MED13L: variants seen among roughly 807,000 people sequenced by gnomAD.
The protein encoded by MED13L is mediator of RNA polymerase II transcription subunit 13-like.
A neutral mutation model predicts 220.9 loss-of-function variants in MED13L; 7 were observed. The ratio of observed to expected loss-of-function variants is 0.03; its 90% CI spans 0.02 to 0.06. The LOEUF (loss-of-function observed/expected upper bound fraction) is 0.06. MED13L is among the 10% of genes least tolerant of loss of function. The pLI is 1.00. For missense variants in MED13L, 1,965 were observed against 2,760.5 expected (o/e 0.71, Z 6.46); for synonymous variants, 1,011 against 1,015.2 (o/e 1.00, Z 0.08).
At chr12:116,006,075 A>T in intron 12 of MED13L, 82 bp from the exon 13 acceptor site, 1 of 1,563,906 alleles carries the variant, frequency 6.4e-7, no homozygotes, top group Admixed American at 1.7e-5. Context: ...GATCTCAATG[A>T]ACATGACCTG....
intron 4 of MED13L, among the ~76,000 whole-genome samples, chr12:116,080,547 G>A (rs944706944): frequency 6.6e-6 from 1 of 152,090 alleles, no homozygotes; most frequent in South Asian, 2.1e-4. Flanking sequence ...AATTTCTTAG[G>A]AAATCAAAGT....
At chr12:116,173,103 A>G (rs1879800618) in intron 2 of MED13L, among the ~76,000 whole-genome samples, 1 of 150,656 alleles carries the variant, frequency 6.6e-6, no homozygotes, top group Non-Finnish European at 1.5e-5. Context: ...AGAACAACTC[A>G]GGAAAAAAAA....
At chr12:116,260,339 G>A (rs1872414248) in intron 1 of MED13L, among the ~76,000 whole-genome samples, 2 of 152,136 alleles carry the variant, frequency 1.3e-5, no homozygotes, top group South Asian at 2.1e-4. Flanking sequence ...ACATCAAAAG[G>A]TTCTGAAGCG....
intron 2 of MED13L, among the ~76,000 whole-genome samples, chr12:116,177,549 G>T (rs1880163034): frequency 6.6e-6 from 1 of 152,150 alleles, no homozygotes; most frequent in Non-Finnish European, 1.5e-5. Context: ...CATTTCACAT[G>T]AAAGTTTCTC....
At chr12:116,023,718 A>G (rs1232760463) in intron 4 of MED13L, among the ~76,000 whole-genome samples, 1 of 152,196 alleles carries the variant, frequency 6.6e-6, no homozygotes, top group East Asian at 1.9e-4. Context: ...CACCAGTAGG[A>G]AACACCCAGT....
chr12:116,124,142 GAGAGAGAGACAGAGACAGAGAGAGAC>G (rs1875354880), intron 2 of MED13L, among the ~76,000 whole-genome samples: 1 of 115,652 alleles, frequency 8.6e-6, no homozygotes. Flanking sequence ...GAGAGAGAGA[GAGAGAGAGACAGAGACAGAGAGAGAC>G]AGAGAGAGAC....
intron 2 of MED13L, among the ~76,000 whole-genome samples, chr12:116,182,132 C>T (rs1419028229): frequency 1.3e-5 from 2 of 152,074 alleles, no homozygotes; most frequent in Admixed American, 6.6e-5. Context: ...TGCACATGCC[C>T]CCACCTTCCT....
Position 115,982,442 on chromosome 12 carries a change from C to A in MED13L, c.5117G>T (p.Cys1706Phe). 1 of 1,614,142 alleles carries A rather than the reference C, an allele frequency of 6.2e-7. No homozygotes were observed. Among genetic ancestry groups the A allele is most frequent in the South Asian group, 1.1e-5 (1 of 91,080 alleles). ...GNFWLLSLMR[C>F]YTEMLDNLPE... ...TAAATTATCCAGCATTTCTGTGTAG[C>A]AGCGCATCAAGCTCAACAGCCAAAA... The change falls in exon 22 of 31, where the codon TGC (cysteine) becomes TTC (phenylalanine). Residue 1706 changes from cysteine (C) to phenylalanine (F), a missense_variant. By Grantham distance (205) the Cys-to-Phe change is radical. Coordinates refer to ENST00000281928, the MANE Select transcript of MED13L (RefSeq NM_015335.5).
At chr12:116,120,721 T>TA (rs1875024086) in intron 2 of MED13L, among the ~76,000 whole-genome samples, 1 of 151,574 alleles carries the variant, frequency 6.6e-6, no homozygotes, top group Non-Finnish European at 1.5e-5. Context: ...GAAAAAAAAA[T>TA]AAAAAACAGG....
chr12:116,197,658 C>T (rs11067942), intron 2 of MED13L, among the ~76,000 whole-genome samples: 2,645 of 151,936 alleles, frequency 0.017, 78 homozygotes, highest in African/African-American at 0.061. Flanking sequence ...TTCAGCTACT[C>T]GGGAGGCTGA....
intron 26 of MED13L, among the ~76,000 whole-genome samples, chr12:115,971,082 T>C (rs1422841534): frequency 6.6e-6 from 1 of 152,216 alleles, no homozygotes; most frequent in Non-Finnish European, 1.5e-5. Context: ...CCTCTGGTTG[T>C]TCACAATTTA....
chr12:116,208,635 A>G (rs1192802334), intron 2 of MED13L, among the ~76,000 whole-genome samples: 1 of 152,208 alleles, frequency 6.6e-6, no homozygotes, highest in Non-Finnish European at 1.5e-5. Context: ...CTCACAGCAG[A>G]AAGAGGATAA....
intron 4 of MED13L, among the ~76,000 whole-genome samples, chr12:116,064,659 GA>G (rs1869775437): frequency 6.6e-6 from 1 of 152,208 alleles, no homozygotes; most frequent in African/African-American, 2.4e-5. Context: ...CTACTTTGGT[GA>G]AGGCAAACAA....
Position 116,020,313 on chromosome 12 carries a change from T to TG in MED13L, c.626-342dup, listed in dbSNP as rs556876639. Among the ~76,000 whole-genome samples, 445 of 150,868 alleles carry TG rather than the reference T, an allele frequency of 2.9e-3. 2 individuals are homozygous for TG. The highest frequency in any genetic ancestry group is 0.01 in the African/African-American group (430 of 41,338). ...CACAATTTTTAAACGAAATAAAATA[T>TG]GGATAGTACAATGTTATCAGACAGC... On this transcript the variant is annotated intron_variant, in intron 5 of 30. Coordinates refer to ENST00000281928, the MANE Select transcript of MED13L (RefSeq NM_015335.5).
intron 3 of MED13L, among the ~76,000 whole-genome samples, chr12:116,108,323 G>A (rs886196452): frequency 2.8e-5 from 4 of 142,208 alleles, no homozygotes; most frequent in Non-Finnish European, 3.0e-5. Context: ...GTGTCTCATC[G>A]GAAGAACTGT....
intron 2 of MED13L, among the ~76,000 whole-genome samples, chr12:116,198,512 A>AC (rs1881792812): frequency 6.6e-6 from 1 of 151,882 alleles, no homozygotes; most frequent in Non-Finnish European, 1.5e-5. Context: ...CTCTTCTCTG[A>AC]CCCCCTACAG....
intron 2 of MED13L, among the ~76,000 whole-genome samples, chr12:116,193,873 C>T (rs1450862441): frequency 6.6e-6 from 1 of 152,102 alleles, no homozygotes; most frequent in Non-Finnish European, 1.5e-5. Context: ...CTAAGAAATA[C>T]CTTTATGAAT....
intron 2 of MED13L, among the ~76,000 whole-genome samples, chr12:116,225,618 T>C (rs2138411310): frequency 6.6e-6 from 1 of 152,212 alleles, no homozygotes; most frequent in South Asian, 2.1e-4. Context: ...TAACTGAGAG[T>C]ATCGAAATTT....
intron 4 of MED13L, among the ~76,000 whole-genome samples, chr12:116,096,354 CAAAAAAAAAAAAAAA>C (rs537207957): frequency 0.036 from 852 of 23,606 alleles, 33 homozygotes; most frequent in African/African-American, 0.1. Context: ...GACACAGCCT[CAAAAAAAAAAAAAAA>C]AAAAAAAAAA....
Sources: allele counts gnomAD v4.1 joint callset (sites outside exome capture counted in the v4.1 genomes callset), GRCh38; gene constraint gnomAD v4.1.1; transcripts MANE v1.5; gene names NCBI Gene and HGNC (gene_info 2026-07-23, HGNC 2026-07-21).